The following MAPDA variants were observed in gnomAD, a reference collection of about 807,000 sequenced individuals.
The protein encoded by MAPDA is N6,N6-dimethyl-AMP deaminase.
chr15:43,336,586 G>T, the MAPDA span: 1 of 1,492,908 alleles, frequency 6.7e-7, no homozygotes, highest in Non-Finnish European at 9.0e-7. Context: ...GAGTTTCTTT[G>T]ATGACTAGAT....
chr15:43,340,501 C>T, the MAPDA span: 3 of 641,338 alleles, frequency 4.7e-6, no homozygotes. Context: ...AGTCCAAGTC[C>T]TCTCTCTGAT....
the MAPDA span, chr15:43,351,563 T>C: frequency 1.7e-6 from 1 of 581,216 alleles, no homozygotes; most frequent in Non-Finnish European, 2.9e-6. Context: ...GAAACACTGC[T>C]CTGGTATCTT....
the MAPDA span, among the ~76,000 whole-genome samples, chr15:43,337,802 A>G: frequency 6.6e-6 from 1 of 152,216 alleles, no homozygotes; most frequent in Non-Finnish European, 1.5e-5. Flanking sequence ...AGTGCCCACA[A>G]TGTTCCAGGC....
chr15:43,339,703 C>G, the MAPDA span, among the ~76,000 whole-genome samples: 2 of 152,184 alleles, frequency 1.3e-5, no homozygotes, highest in Middle Eastern at 3.2e-3. Flanking sequence ...AAATTGGATA[C>G]AGTTTTACTC....
chr15:43,330,598 G>T, the MAPDA span: 1 of 1,284,410 alleles, frequency 7.8e-7, no homozygotes, highest in African/African-American at 1.5e-5. Flanking sequence ...CATGCTCCTG[G>T]ACTTCCCCTT....
the MAPDA span, among the ~76,000 whole-genome samples, chr15:43,339,656 A>G: frequency 6.6e-6 from 1 of 152,200 alleles, no homozygotes; most frequent in Non-Finnish European, 1.5e-5. Context: ...CCTTCAGGAA[A>G]TCCTTCAGGA....
the MAPDA span, chr15:43,352,154 C>T: frequency 7.3e-6 from 3 of 410,994 alleles, no homozygotes; most frequent in Non-Finnish European, 1.3e-5. Context: ...TGGGACTTGA[C>T]TGTTGTTGCT....
chr15:43,348,828 G>A, the MAPDA span: 1 of 1,469,366 alleles, frequency 6.8e-7, no homozygotes, highest in African/African-American at 1.4e-5. Flanking sequence ...TAGAGGGGCA[G>A]GGTACCTAGC....
the MAPDA span, chr15:43,352,112 A>G: frequency 7.9e-3 from 4,362 of 554,876 alleles, 211 homozygotes; most frequent in East Asian, 0.11. Flanking sequence ...CGTGTCTTCA[A>G]CTGACTCACA....
chr15:43,336,415 G>A, the MAPDA span, among the ~76,000 whole-genome samples: 10 of 150,908 alleles, frequency 6.6e-5, no homozygotes, highest in Non-Finnish European at 1.5e-5. Context: ...TTGGAGAAGG[G>A]GTACTATTAT....
the MAPDA span, chr15:43,347,009 C>G: frequency 6.2e-7 from 1 of 1,612,442 alleles, no homozygotes; most frequent in East Asian, 2.2e-5. Context: ...TAACTTTTAT[C>G]TTTAAGGTAG....
the MAPDA span, among the ~76,000 whole-genome samples, chr15:43,341,549 T>G: frequency 6.6e-6 from 1 of 152,078 alleles, no homozygotes; most frequent in African/African-American, 2.4e-5. Flanking sequence ...TTTAAAAATG[T>G]GTATATGGGC....
the MAPDA span, among the ~76,000 whole-genome samples, chr15:43,338,605 A>G: frequency 6.6e-6 from 1 of 152,206 alleles, no homozygotes; most frequent in East Asian, 1.9e-4. Context: ...AGTAAGTAGG[A>G]ACTTAACTAA....
chr15:43,347,270 A>G, the MAPDA span, among the ~76,000 whole-genome samples: 1 of 152,192 alleles, frequency 6.6e-6, no homozygotes, highest in Non-Finnish European at 1.5e-5. Flanking sequence ...CTCTACTGTT[A>G]CTGTTTTTAT....
the MAPDA span, chr15:43,352,059 C>A: frequency 9.2e-7 from 1 of 1,083,598 alleles, no homozygotes; most frequent in Non-Finnish European, 1.3e-6. Flanking sequence ...GTTCCTTGGG[C>A]TCTATCACCA....
chr15:43,337,051 A>G, the MAPDA span, among the ~76,000 whole-genome samples: 1 of 151,808 alleles, frequency 6.6e-6, no homozygotes, highest in East Asian at 1.9e-4. Context: ...GGCGGATCAC[A>G]AGGTCAGGAG....
the MAPDA span, among the ~76,000 whole-genome samples, chr15:43,332,931 G>A: frequency 1.3e-5 from 2 of 152,144 alleles, no homozygotes; most frequent in South Asian, 4.1e-4. Context: ...ATGGCATGCT[G>A]TTGTTGGTAT....
At chr15:43,348,230 T>C in the MAPDA span, among the ~76,000 whole-genome samples, 1 of 152,222 alleles carries the variant, frequency 6.6e-6, no homozygotes, top group African/African-American at 2.4e-5. Context: ...CTTGTCAGAA[T>C]CAAACATGAT....
the MAPDA span, among the ~76,000 whole-genome samples, chr15:43,350,071 C>CT: frequency 5.3e-5 from 8 of 151,554 alleles, no homozygotes; most frequent in African/African-American, 1.7e-4. Context: ...AGGAGTCACT[C>CT]TTTTTTTTGG....
Sources: allele counts gnomAD v4.1 joint callset (sites outside exome capture counted in the v4.1 genomes callset), GRCh38; gene constraint gnomAD v4.1.1; transcripts MANE v1.5; gene names NCBI Gene and HGNC (gene_info 2026-07-23, HGNC 2026-07-21).